The following FGGY variants were observed in gnomAD, a reference collection of about 807,000 sequenced individuals.
FGGY encodes FGGY carbohydrate kinase domain-containing protein.
FGGY carries 72 observed loss-of-function variants against 71.3 expected under a neutral mutation model. The observed-to-expected ratio is 1.01, with a 90% CI of 0.84 to 1.23. FGGY has a LOEUF of 1.23. FGGY is among the 50% of genes most tolerant of loss of function. FGGY has a pLI of 0.00. For missense variants in FGGY, 668 were observed against 682.3 expected, an observed-to-expected ratio of 0.98 and a Z score of 0.23; for synonymous variants, 251 against 250.3, an observed-to-expected ratio of 1.00 and a Z score of -0.02.
chr1:59,435,624 G>C (rs2068258443), intron 5 of FGGY, among the ~76,000 whole-genome samples: 1 of 152,034 alleles, frequency 6.6e-6, no homozygotes, highest in Non-Finnish European at 1.5e-5. Context: ...TTATTCCTCA[G>C]GCCTCAGATC....
At chr1:59,681,687 A>G (rs754316318) in intron 14 of FGGY, among the ~76,000 whole-genome samples, 26 of 152,186 alleles carry the variant, frequency 1.7e-4, no homozygotes, top group Non-Finnish European at 1.6e-4. Flanking sequence ...TAGCAATGAA[A>G]TCCATGCTGT....
At chr1:59,707,802 G>A (rs1573506548) in intron 14 of FGGY, among the ~76,000 whole-genome samples, 1 of 152,134 alleles carries the variant, frequency 6.6e-6, no homozygotes, top group East Asian at 1.9e-4. Context: ...TTGACAAATG[G>A]CTTTGCCCAA....
At chr1:59,588,561 G>A (rs2096360191) in intron 8 of FGGY, among the ~76,000 whole-genome samples, 3 of 152,300 alleles carry the variant, frequency 2.0e-5, no homozygotes, top group South Asian at 4.1e-4. Context: ...TACCCACAAA[G>A]GGAAGCCCAT....
At chr1:59,372,272 TACAA>T (rs1365994597) in intron 4 of FGGY, among the ~76,000 whole-genome samples, 3 of 152,170 alleles carry the variant, frequency 2.0e-5, no homozygotes, top group Non-Finnish European at 4.4e-5. Context: ...CAGAGAATAC[TACAA>T]ACACCTCTAC....
intron 3 of FGGY, among the ~76,000 whole-genome samples, chr1:59,345,982 A>G (rs1271136306): frequency 6.6e-6 from 1 of 152,192 alleles, no homozygotes; most frequent in South Asian, 2.1e-4. Flanking sequence ...ACTTGATAAT[A>G]TAATTAATTG....
At chr1:59,485,218 CT>C (rs1221297171) in intron 6 of FGGY, among the ~76,000 whole-genome samples, 1 of 152,204 alleles carries the variant, frequency 6.6e-6, no homozygotes, top group Non-Finnish European at 1.5e-5. Context: ...ACTGTCATCC[CT>C]TTTATTAACA....
intron 6 of FGGY, among the ~76,000 whole-genome samples, chr1:59,474,687 C>A (rs1469121161): frequency 2.0e-5 from 3 of 152,168 alleles, no homozygotes; most frequent in Non-Finnish European, 4.4e-5. Flanking sequence ...TGGACTTTGC[C>A]CAAGTCAGAG....
intron 2 of FGGY, among the ~76,000 whole-genome samples, chr1:59,333,312 C>G (rs960412049): frequency 9.2e-5 from 14 of 152,200 alleles, no homozygotes; most frequent in African/African-American, 3.4e-4. Flanking sequence ...GAAGTTAGGG[C>G]TGGGTGATTG....
chr1:59,451,485 CAT>C (rs1216257651), intron 5 of FGGY, among the ~76,000 whole-genome samples: 1 of 151,382 alleles, frequency 6.6e-6, no homozygotes. Flanking sequence ...TACGTATATG[CAT>C]ATATTTTTAT....
intron 2 of FGGY, among the ~76,000 whole-genome samples, chr1:59,337,673 G>A (rs1293980430): frequency 6.6e-6 from 1 of 152,076 alleles, no homozygotes; most frequent in African/African-American, 2.4e-5. Flanking sequence ...TTGCTATTAA[G>A]TAGAAATCCA....
chr1:59,606,942 T>G (rs55748051), intron 8 of FGGY, among the ~76,000 whole-genome samples: 1 of 152,166 alleles, frequency 6.6e-6, no homozygotes, highest in East Asian at 1.9e-4. Flanking sequence ...GTAAGAACTC[T>G]GATTCATCTT....
At chr1:59,721,001 G>A (rs778130272) in intron 14 of FGGY, among the ~76,000 whole-genome samples, 10 of 152,034 alleles carry the variant, frequency 6.6e-5, no homozygotes, top group Admixed American at 1.3e-4. Context: ...AGTTCCCTCC[G>A]TGTGGAATCA....
chr1:59,428,574 T>A (rs2066784602), intron 5 of FGGY, among the ~76,000 whole-genome samples: 1 of 152,216 alleles, frequency 6.6e-6, no homozygotes, highest in Non-Finnish European at 1.5e-5. Flanking sequence ...CATATCTTAT[T>A]TGAGAAAGGT....
chr1:59,634,045 TG>T (rs2096932968), intron 10 of FGGY, among the ~76,000 whole-genome samples: 1 of 152,132 alleles, frequency 6.6e-6, no homozygotes, highest in Non-Finnish European at 1.5e-5. Context: ...AAGAGGGTAT[TG>T]TTCCTCATGG....
At chr1:59,755,152 G>T (rs1203697343) in intron 14 of FGGY, 1 of 152,186 alleles carries the variant, frequency 6.6e-6, no homozygotes, top group Admixed American at 6.5e-5. Flanking sequence ...GTTGATTAAT[G>T]GGTCCTCAGG....
chr1:59,355,253 G>C (rs946358227), intron 4 of FGGY, among the ~76,000 whole-genome samples: 27 of 152,024 alleles, frequency 1.8e-4, no homozygotes, highest in African/African-American at 6.0e-4. Flanking sequence ...AAGTTTTAGG[G>C]TACATGTGCA....
chr1:59,569,667 A>G (rs1021176248), intron 8 of FGGY, among the ~76,000 whole-genome samples: 17 of 152,122 alleles, frequency 1.1e-4, no homozygotes, highest in African/African-American at 4.1e-4. Context: ...GGTTGGCTCT[A>G]TTATTTTCTT....
chr1:59,695,286 G>A (rs899594585), intron 14 of FGGY, among the ~76,000 whole-genome samples: 2 of 152,164 alleles, frequency 1.3e-5, no homozygotes, highest in African/African-American at 2.4e-5. Context: ...GGAGAGGACA[G>A]GTGCCATGAC....
intron 14 of FGGY, among the ~76,000 whole-genome samples, chr1:59,684,041 T>G (rs1275614604): frequency 6.6e-6 from 1 of 152,054 alleles, no homozygotes; most frequent in Non-Finnish European, 1.5e-5. Context: ...TGTAGGGGCC[T>G]CGATGGCCAT....
Sources: gnomAD v4.1 joint callset for allele counts (sites outside exome capture counted in the v4.1 genomes callset) on GRCh38, gnomAD v4.1.1 for gene constraint, MANE v1.5 for transcripts, NCBI Gene and HGNC (gene_info 2026-07-23, HGNC 2026-07-21) for gene names.